The following KAT6B variants were observed in gnomAD, a reference collection of about 807,000 sequenced individuals.
KAT6B encodes the protein lysine acetyltransferase 6B, also known as histone acetyltransferase KAT6B.
In KAT6B, 10 loss-of-function variants were observed where a neutral mutation model predicts 187.5. That is an observed-to-expected ratio of 0.05 (90% confidence interval 0.03 to 0.09). The LOEUF is 0.09. KAT6B is among the 10% of genes least tolerant of loss of function. The pLI is 1.00. For synonymous variants in KAT6B, 861 were observed against 926.8 expected, an observed-to-expected ratio of 0.93 and a Z score of 1.29; for missense variants, 1,952 against 2,558.9, an observed-to-expected ratio of 0.76 and a Z score of 5.12.
Position 74,977,383 on chromosome 10 carries a change from C to T in KAT6B, c.2061C>T (p.Val687=), listed in dbSNP as rs150215603. The change falls in exon 9 of 18, where the codon GTC becomes GTT. Residue 687 remains valine (V), a synonymous_variant. Transcript: ENST00000287239. ...ADVNVIGNKD[V]VTEEDLDVFK... is the part of the protein sequence containing the mutation. ...TAAATGTGATTGGAAACAAGGATGT[C>T]GTTACTGAAGAGGATTTGGATGTTT... The T allele has an allele frequency of 5.6e-6, 9 of 1,613,794 alleles. No homozygotes were observed. Among genetic ancestry groups the T allele is most frequent in the East Asian group, 2.2e-5 (1 of 44,850 alleles).
At chr10:74,924,925 A>T (rs994206157) in intron 3 of KAT6B, among the ~76,000 whole-genome samples, 2 of 152,078 alleles carry the variant, frequency 1.3e-5, no homozygotes, top group Non-Finnish European at 2.9e-5. Context: ...GTTCTAATTG[A>T]ACCTTTGGGG....
chr10:74,852,301 A>T (rs1842527699), intron 3 of KAT6B, among the ~76,000 whole-genome samples: 2 of 152,238 alleles, frequency 1.3e-5, no homozygotes, highest in Non-Finnish European at 2.9e-5. Context: ...GCTCTTCAAA[A>T]TAACCTGCAT....
chr10:75,021,366 T>C (rs1845395959), intron 15 of KAT6B, 81 bp downstream of exon 15: 1 of 1,451,112 alleles, frequency 6.9e-7, no homozygotes, highest in Non-Finnish European at 9.6e-7. Flanking sequence ...TTAAGATCGT[T>C]GTCAAAAGCT....
In KAT6B at chr10:75,022,247, G is replaced by C; in HGVS notation, c.3372+16G>C. ...AAAGAGAAAGGTAGGTGTCTGTTTA[G>C]ATTTTCTGTGAGTCGCGTTCAATCA... On this transcript the variant is annotated intron_variant, in intron 16 of 17. Transcript: ENST00000287239. 6.2e-7 allele frequency: 1 copy of C among 1,613,008 alleles called. No individual in the cohort carries two copies.
At chr10:74,923,675 G>A (rs1848298785) in intron 3 of KAT6B, among the ~76,000 whole-genome samples, 2 of 152,190 alleles carry the variant, frequency 1.3e-5, no homozygotes, top group African/African-American at 4.8e-5. Context: ...ACAGATAAGA[G>A]GCCAGTGTGG....
chr10:74,826,432 A>G (rs975760605), upstream of KAT6B, among the ~76,000 whole-genome samples: 2 of 151,994 alleles, frequency 1.3e-5, no homozygotes, highest in African/African-American at 4.8e-5. Context: ...TGGAAGCGAG[A>G]TGACCGGCAG....
intron 3 of KAT6B, among the ~76,000 whole-genome samples, chr10:74,959,035 T>TATAA (rs10652616): frequency 0.21 from 30,910 of 144,290 alleles, 3,675 homozygotes; most frequent in South Asian, 0.31. Context: ...AGACTCTGTC[T>TATAA]ATAAATAAAT....
chr10:74,859,482 GATGT>G, intron 3 of KAT6B, among the ~76,000 whole-genome samples: 1 of 152,296 alleles, frequency 6.6e-6, no homozygotes, highest in Admixed American at 6.5e-5. Flanking sequence ...CATGCAGATG[GATGT>G]ATATTATATT....
intron 13 of KAT6B, among the ~76,000 whole-genome samples, chr10:75,004,037 TTGGCATGCA>T (rs1844035345): frequency 6.6e-6 from 1 of 152,054 alleles, no homozygotes. Flanking sequence ...TTTTCAAGTT[TTGGCATGCA>T]GGTGGTTGGT....
In KAT6B at chr10:74,970,108, T is replaced by C; in HGVS notation, c.928+7T>C. On this transcript the variant is annotated splice_region_variant and intron_variant, in intron 6 of 17. Coordinates refer to ENST00000287239, the MANE Select transcript of KAT6B (RefSeq NM_012330.4). ...CTTTCCAGAATGCCAAAAGGTGAAC[T>C]TCTAAACTGTACTAAAAATGTATTT... is the stretch of plus-strand genomic sequence containing the variant. 1.3e-6 allele frequency: 2 copies of C among 1,589,848 alleles called. No homozygotes were observed. Among genetic ancestry groups the C allele is most frequent in the Non-Finnish European group, 1.7e-6 (2 of 1,158,090 alleles).
chr10:74,980,173 A>AAAAAATG (rs1431662410), intron 10 of KAT6B, among the ~76,000 whole-genome samples: 1 of 152,226 alleles, frequency 6.6e-6, no homozygotes, highest in African/African-American at 2.4e-5. Context: ...AATAAAAAAT[A>AAAAAATG]AAAAGGAGAA....
chr10:75,019,967 A>G (rs1845268578), intron 13 of KAT6B, among the ~76,000 whole-genome samples: 1 of 152,200 alleles, frequency 6.6e-6, no homozygotes, highest in African/African-American at 2.4e-5. Flanking sequence ...TTTCTATGAA[A>G]GAGGTGAAAA....
intron 3 of KAT6B, among the ~76,000 whole-genome samples, chr10:74,849,689 A>G (rs1013449658): frequency 6.6e-6 from 1 of 152,240 alleles, no homozygotes; most frequent in Non-Finnish European, 1.5e-5. Context: ...ATAATAACTA[A>G]CGTTTTGTAA....
At chr10:74,937,092 TG>T (rs1849326368) in intron 3 of KAT6B, among the ~76,000 whole-genome samples, 2 of 152,218 alleles carry the variant, frequency 1.3e-5, no homozygotes, top group African/African-American at 4.8e-5. Flanking sequence ...ATGGTATTTG[TG>T]TGTGTGGAAT....
intron 1 of KAT6B, among the ~76,000 whole-genome samples, chr10:74,834,061 C>CA (rs1214928588): frequency 4.6e-5 from 7 of 152,168 alleles, no homozygotes; most frequent in Non-Finnish European, 1.0e-4. Flanking sequence ...CAGAGTGATT[C>CA]AAACATTCAA....
chr10:75,029,843 C>A lies in KAT6B; in HGVS notation c.5019C>A (p.Ile1673=). The A allele has an allele frequency of 1.2e-6, 2 of 1,614,166 alleles. No individual in the cohort carries two copies. The highest frequency in any genetic ancestry group is 2.2e-5 in the South Asian group (2 of 91,080). ...VDSGFSDLGS[I]ESTTENYENP... is the part of the protein sequence containing the mutation. ...GTGGATTTAGTGACCTGGGCAGTATCGAGAGCACAACTGAGAACTACGAAA... is the reference window on the plus strand; with the variant it reads ...GTGGATTTAGTGACCTGGGCAGTATAGAGAGCACAACTGAGAACTACGAAA... Residue 1673 remains isoleucine (I), a synonymous_variant, in exon 18 of 18, where the codon ATC becomes ATA. Transcript: ENST00000287239. This position sits in a 1 kb window ranked among gnomAD's most constrained non-coding sequence, Gnocchi z 6.2.
intron 2 of KAT6B, among the ~76,000 whole-genome samples, chr10:74,840,522 C>G (rs1265160577): frequency 6.6e-6 from 1 of 152,118 alleles, no homozygotes; most frequent in African/African-American, 2.4e-5. Context: ...CTTCTCTGAG[C>G]AAGAAATTTA....
chr10:74,931,335 T>G (rs1251052209), intron 3 of KAT6B, among the ~76,000 whole-genome samples: 1 of 150,932 alleles, frequency 6.6e-6, no homozygotes, highest in East Asian at 1.9e-4. Flanking sequence ...TACTGCCTTT[T>G]CCTCTGCAGT....
At chr10:74,926,191 C>T (rs1257452893) in intron 3 of KAT6B, among the ~76,000 whole-genome samples, 4 of 152,182 alleles carry the variant, frequency 2.6e-5, no homozygotes, top group East Asian at 1.9e-4. Context: ...CAGTGGCTCA[C>T]GCCTATAATC....
Sources: gnomAD v4.1 joint callset for allele counts (sites outside exome capture counted in the v4.1 genomes callset) on GRCh38, gnomAD v4.1.1 for gene constraint, Gnocchi (gnomAD v3.1) non-coding constraint, MANE v1.5 for transcripts, NCBI Gene and HGNC (gene_info 2026-07-23, HGNC 2026-07-21) for gene names.